Variants in SPAG16 observed in about 807,000 individuals in gnomAD.
SPAG16 encodes the protein sperm associated antigen 16, also known as sperm-associated antigen 16 protein.
Under a neutral mutation model 80.4 loss-of-function variants are expected in SPAG16, and 86 were observed. The observed-to-expected ratio is 1.07, with a 90% confidence interval of 0.90 to 1.28. The LOEUF is 1.28. Among genes scored for constraint, SPAG16 ranks in the 50% most tolerant of loss-of-function variants. SPAG16 has a pLI of 0.00. For synonymous variants in SPAG16, 294 were observed against 265.9 expected (o/e 1.11, Z -1.03); for missense variants, 870 against 765.3 (o/e 1.14, Z -1.61).
chr2:213,917,952 A>G (rs1203801248), intron 11 of SPAG16, among the ~76,000 whole-genome samples: 1 of 152,086 alleles, frequency 6.6e-6, no homozygotes, highest in African/African-American at 2.4e-5. Context: ...TGTTCTTTTG[A>G]TGCCTAATTT....
intron 11 of SPAG16, among the ~76,000 whole-genome samples, chr2:213,926,661 C>T (rs368286168): frequency 8.6e-5 from 13 of 151,872 alleles, no homozygotes; most frequent in South Asian, 8.3e-4. Flanking sequence ...TATAACCTTA[C>T]GTCGTTTGAT....
chr2:213,540,208 T>G (rs1374649754), intron 10 of SPAG16, among the ~76,000 whole-genome samples: 1 of 127,382 alleles, frequency 7.9e-6, no homozygotes, highest in East Asian at 2.3e-4. Context: ...CTAATTTTTA[T>G]TTTTTTATTT....
rs542451860 is a variant in SPAG16, at chr2:213,855,171, G to T, written c.1071-7314G>T. On this transcript the variant is annotated intron_variant, in intron 10 of 15. Coordinates refer to ENST00000331683, the MANE Select transcript of SPAG16 (RefSeq NM_024532.5). ...ACAATAGTTTTAACTTTTTACACAT[G>T]GTTAGAAAATGACAAAAAAGACCAG... 2.6e-5 allele frequency among the ~76,000 whole-genome samples: 4 copies of T among 152,246 alleles called. No individual in the cohort carries two copies. The Middle Eastern group carries it at 0.01, about 388-fold the overall frequency.
At chr2:213,561,879 CTAT>C (rs2059607257) in intron 10 of SPAG16, among the ~76,000 whole-genome samples, 1 of 152,190 alleles carries the variant, frequency 6.6e-6, no homozygotes, top group Admixed American at 6.6e-5. Context: ...CCTTGGCCAC[CTAT>C]TATTCTGAAA....
At chr2:213,486,317 C>G (rs1195809815) in intron 9 of SPAG16, among the ~76,000 whole-genome samples, 1 of 152,038 alleles carries the variant, frequency 6.6e-6, no homozygotes, top group African/African-American at 2.4e-5. Context: ...TGAGAACATG[C>G]AGTATTTTTA....
chr2:214,359,446 T>TAAAG (rs1172867092), intron 15 of SPAG16, among the ~76,000 whole-genome samples: 1 of 151,928 alleles, frequency 6.6e-6, no homozygotes, highest in Non-Finnish European at 1.5e-5. Context: ...TTGGTGTTGC[T>TAAAG]AAAGAGTTAA....
intron 15 of SPAG16, among the ~76,000 whole-genome samples, chr2:214,248,929 T>C (rs893223125): frequency 6.6e-6 from 1 of 152,122 alleles, no homozygotes; most frequent in Non-Finnish European, 1.5e-5. Context: ...TTCTAAAAAC[T>C]GGAACCACAG....
chr2:213,895,376 A>G (rs1158009454), intron 11 of SPAG16, among the ~76,000 whole-genome samples: 1 of 152,004 alleles, frequency 6.6e-6, no homozygotes, highest in Non-Finnish European at 1.5e-5. Context: ...TGCAATCCCT[A>G]TCAAAATACC....
chr2:213,980,725 T>TATATATATATATATAGAGAGAGAGAGAG (rs374274176), intron 12 of SPAG16, among the ~76,000 whole-genome samples: 22 of 103,974 alleles, frequency 2.1e-4, no homozygotes, highest in Non-Finnish European at 2.3e-4. Flanking sequence ...TATATATATA[T>TATATATATATATATAGAGAGAGAGAGAG]AGAGAGAGAG....
intron 10 of SPAG16, among the ~76,000 whole-genome samples, chr2:213,650,564 T>C (rs2125144663): frequency 6.6e-6 from 1 of 152,370 alleles, no homozygotes; most frequent in African/African-American, 2.4e-5. Context: ...ATACTTGTTA[T>C]ATGTGTGTGC....
chr2:213,668,063 C>CTTGAA (rs1478931650), intron 10 of SPAG16, among the ~76,000 whole-genome samples: 18 of 152,026 alleles, frequency 1.2e-4, no homozygotes, highest in African/African-American at 4.4e-4. Flanking sequence ...GCCTCAGCCT[C>CTTGAA]TTGAATAGCT....
intron 10 of SPAG16, among the ~76,000 whole-genome samples, chr2:213,660,708 C>G (rs775437200): frequency 3.9e-5 from 6 of 152,082 alleles, no homozygotes; most frequent in African/African-American, 4.8e-5. Context: ...CTTGCTGGCT[C>G]CTTGCTTCAA....
At chr2:213,636,164 A>G (rs967540479) in intron 10 of SPAG16, among the ~76,000 whole-genome samples, 9 of 152,122 alleles carry the variant, frequency 5.9e-5, no homozygotes, top group Admixed American at 1.3e-4. Flanking sequence ...ATTCTTCTAC[A>G]TGTGGCTTGC....
intron 15 of SPAG16, among the ~76,000 whole-genome samples, chr2:214,292,500 T>C (rs1693869190): frequency 6.6e-6 from 1 of 152,146 alleles, no homozygotes; most frequent in East Asian, 1.9e-4. Context: ...ATTTTCAGTA[T>C]TTCTGATTTT....
chr2:213,674,695 C>G (rs1370463858), intron 10 of SPAG16, among the ~76,000 whole-genome samples: 1 of 150,136 alleles, frequency 6.7e-6, no homozygotes, highest in African/African-American at 2.5e-5. Flanking sequence ...TCATCCATGT[C>G]CCTACAAAGG....
At chr2:213,349,212 G>A (rs2065189528) in intron 6 of SPAG16, among the ~76,000 whole-genome samples, 1 of 152,080 alleles carries the variant, frequency 6.6e-6, no homozygotes, top group Non-Finnish European at 1.5e-5. Flanking sequence ...TGAAATTGAT[G>A]GCTTTAAATG....
intron 15 of SPAG16, among the ~76,000 whole-genome samples, chr2:214,273,654 T>C (rs532813633): frequency 6.6e-6 from 1 of 152,344 alleles, no homozygotes; most frequent in Non-Finnish European, 1.5e-5. Context: ...CATTGGTCTA[T>C]GTATCTGTTT....
chr2:213,285,386 A>G (rs937370709), intron 1 of SPAG16, among the ~76,000 whole-genome samples: 5 of 152,176 alleles, frequency 3.3e-5, no homozygotes, highest in Non-Finnish European at 5.9e-5. Context: ...AGTTATATAG[A>G]TTAATTCCTA....
chr2:214,223,240 A>G (rs1224148331), intron 15 of SPAG16, among the ~76,000 whole-genome samples: 5 of 152,172 alleles, frequency 3.3e-5, no homozygotes, highest in Non-Finnish European at 7.4e-5. Context: ...GTTGAAGCAT[A>G]TAGGTCATTA....
Sources: allele counts gnomAD v4.1 joint callset (sites outside exome capture counted in the v4.1 genomes callset), GRCh38; gene constraint gnomAD v4.1.1; transcripts MANE v1.5; gene names NCBI Gene and HGNC (gene_info 2026-07-23, HGNC 2026-07-21).